MYO5A: variants seen among roughly 807,000 people sequenced by gnomAD.
MYO5A encodes the protein myosin VA.
Under a neutral mutation model 249.7 loss-of-function variants are expected in MYO5A, and 98 were observed. The ratio of observed to expected loss-of-function variants is 0.39; its 90% CI spans 0.33 to 0.46. The LOEUF is 0.46. MYO5A is among the 20% of genes least tolerant of loss of function. MYO5A has a pLI of 0.98. For missense variants in MYO5A, 1,696 were observed against 2,308.8 expected, an observed-to-expected ratio of 0.73 and a Z score of 5.44; for synonymous variants, 778 against 810.6, an observed-to-expected ratio of 0.96 and a Z score of 0.68.
intron 1 of MYO5A, chr15:52,505,824 T>C (rs1376341190): frequency 1.9e-6 from 3 of 1,594,640 alleles, no homozygotes; most frequent in Non-Finnish European, 2.5e-6. Flanking sequence ...TTGAGGACTA[T>C]GTGCAGCCCA....
intron 4 of MYO5A, among the ~76,000 whole-genome samples, chr15:52,423,501 G>C (rs1184199127): frequency 6.6e-6 from 1 of 151,350 alleles, no homozygotes; most frequent in Non-Finnish European, 1.5e-5. Context: ...GCAGTGAGCT[G>C]AGATTGCGCC....
At chr15:52,424,366 GAA>G (rs2075351018) in intron 4 of MYO5A, among the ~76,000 whole-genome samples, 1 of 152,086 alleles carries the variant, frequency 6.6e-6, no homozygotes, top group Non-Finnish European at 1.5e-5. Flanking sequence ...CGTGACCTTA[GAA>G]AAGTTACACA....
At chr15:52,435,153 C>T (rs765594945) in intron 1 of MYO5A, among the ~76,000 whole-genome samples, 3 of 151,340 alleles carry the variant, frequency 2.0e-5, no homozygotes, top group Admixed American at 6.6e-5. Context: ...TAGGAGAAAG[C>T]GAAAAGAAAG....
At chr15:52,467,520 G>C (rs1365863624) in intron 1 of MYO5A, among the ~76,000 whole-genome samples, 3 of 152,054 alleles carry the variant, frequency 2.0e-5, no homozygotes, top group Non-Finnish European at 4.4e-5. Context: ...AAGATATTAG[G>C]GTCTACATAA....
intron 1 of MYO5A, among the ~76,000 whole-genome samples, chr15:52,519,350 C>T (rs912019857): frequency 7.2e-5 from 11 of 152,090 alleles, no homozygotes; most frequent in Non-Finnish European, 1.6e-4. Flanking sequence ...TGGTAGCTCC[C>T]GCCTATAATC....
intron 1 of MYO5A, among the ~76,000 whole-genome samples, chr15:52,528,001 T>C (rs1182648615): frequency 1.3e-5 from 2 of 152,180 alleles, no homozygotes; most frequent in Admixed American, 6.5e-5. Context: ...CTCCATAATA[T>C]GTCATTCAGA....
intron 36 of MYO5A, among the ~76,000 whole-genome samples, chr15:52,324,843 G>A (rs1281745928): frequency 6.6e-6 from 1 of 152,036 alleles, no homozygotes; most frequent in Non-Finnish European, 1.5e-5. Context: ...AAAAATCCTA[G>A]AGGATATCAA....
intron 1 of MYO5A, among the ~76,000 whole-genome samples, chr15:52,481,293 C>T (rs1404897290): frequency 6.6e-6 from 1 of 152,174 alleles, no homozygotes; most frequent in African/African-American, 2.4e-5. Flanking sequence ...GATTTTAATG[C>T]AAACAAAGAT....
At chr15:52,515,940 T>G (rs2077487329) in intron 1 of MYO5A, among the ~76,000 whole-genome samples, 1 of 151,956 alleles carries the variant, frequency 6.6e-6, no homozygotes, top group East Asian at 1.9e-4. Flanking sequence ...GAAAGGAGAA[T>G]GACAGCTATA....
At chr15:52,367,792 T>C (rs1393464735) in intron 22 of MYO5A, among the ~76,000 whole-genome samples, 4 of 151,834 alleles carry the variant, frequency 2.6e-5, no homozygotes, top group Non-Finnish European at 5.9e-5. Context: ...ATTACAACAA[T>C]GTCAATGTAC....
chr15:52,493,085 G>A (rs958659344), intron 1 of MYO5A, among the ~76,000 whole-genome samples: 3 of 152,136 alleles, frequency 2.0e-5, no homozygotes, highest in Non-Finnish European at 2.9e-5. Context: ...AAAGGCTTTT[G>A]ATTGGGACTC....
chr15:52,494,834 C>T (rs989057884), intron 1 of MYO5A, among the ~76,000 whole-genome samples: 4 of 152,078 alleles, frequency 2.6e-5, no homozygotes, highest in East Asian at 1.9e-4. Flanking sequence ...TGCCAAGCTA[C>T]GGGCAAGTGT....
At chr15:52,482,078 T>A (rs997023757) in intron 1 of MYO5A, among the ~76,000 whole-genome samples, 1 of 152,168 alleles carries the variant, frequency 6.6e-6, no homozygotes, top group Non-Finnish European at 1.5e-5. Flanking sequence ...TTTATATTCT[T>A]GTGACCACAA....
intron 1 of MYO5A, among the ~76,000 whole-genome samples, chr15:52,444,237 G>T (rs1288728366): frequency 6.6e-6 from 1 of 152,086 alleles, no homozygotes; most frequent in Non-Finnish European, 1.5e-5. Context: ...CACTTCTTAA[G>T]AACAGTGTTA....
chr15:52,510,746 C>A (rs2141617946), intron 1 of MYO5A, among the ~76,000 whole-genome samples: 1 of 152,358 alleles, frequency 6.6e-6, no homozygotes, highest in Admixed American at 6.5e-5. Context: ...ACCTGCTCCC[C>A]AGGTCTGTGG....
intron 1 of MYO5A, among the ~76,000 whole-genome samples, chr15:52,463,029 A>C (rs75585325): frequency 6.6e-6 from 1 of 152,134 alleles, no homozygotes; most frequent in Non-Finnish European, 1.5e-5. Context: ...AGAGAAACTG[A>C]CAGGACAATG....
chr15:52,480,393 G>C (rs539644719), intron 1 of MYO5A, among the ~76,000 whole-genome samples: 4 of 152,264 alleles, frequency 2.6e-5, no homozygotes, highest in African/African-American at 9.6e-5. Flanking sequence ...ATTGTTTAGC[G>C]AATGTAAAAT....
chr15:52,403,632 T>C (rs1376648573), intron 9 of MYO5A, among the ~76,000 whole-genome samples: 1 of 152,238 alleles, frequency 6.6e-6, no homozygotes, highest in Non-Finnish European at 1.5e-5. Flanking sequence ...GTGGTGATGG[T>C]TGCACATATC....
chr15:52,395,111 C>T (rs1182457974), intron 11 of MYO5A, among the ~76,000 whole-genome samples: 10 of 152,168 alleles, frequency 6.6e-5, no homozygotes, highest in African/African-American at 2.4e-4. Flanking sequence ...ACCCCAATCT[C>T]GCTCCCTGGA....
Sources: gnomAD v4.1 joint callset for allele counts (sites outside exome capture counted in the v4.1 genomes callset) on GRCh38, gnomAD v4.1.1 for gene constraint, MANE v1.5 for transcripts, NCBI Gene and HGNC (gene_info 2026-07-23, HGNC 2026-07-21) for gene names.